The following NEB variants were observed in gnomAD, a reference collection of about 807,000 sequenced individuals.
The protein encoded by NEB is nebulin, also known as nemaline myopathy type 2.
In NEB, 512 loss-of-function variants were observed where a neutral mutation model predicts 952.2. The observed-to-expected ratio is 0.54, with a 90% CI of 0.50 to 0.58. The LOEUF (loss-of-function observed/expected upper bound fraction) is 0.58, where lower values mean the gene tolerates loss of function less well. Among genes scored for constraint, NEB ranks in the 20% least tolerant of loss-of-function variants. NEB has a pLI of 0.00. For synonymous variants in NEB, 2,900 were observed against 3,149.8 expected (o/e 0.92, Z 2.66); for missense variants, 8,428 against 9,231.1 (o/e 0.91, Z 3.56).
chr2:151,555,564 A>G (rs2095598265), intron 124 of NEB, among the ~76,000 whole-genome samples: 1 of 152,224 alleles, frequency 6.6e-6, no homozygotes, highest in South Asian at 2.1e-4. Flanking sequence ...TGGGATAACA[A>G]TTAGTTCTTA....
At chr2:151,681,703 T>C (rs899244336) in intron 29 of NEB, among the ~76,000 whole-genome samples, 1 of 152,162 alleles carries the variant, frequency 6.6e-6, no homozygotes, top group Non-Finnish European at 1.5e-5. Flanking sequence ...CTTGAGGATG[T>C]ACTCACCTGA....
rs1000728160 is a variant in NEB, at chr2:151,557,603, G to A, written c.19315-2559C>T. Among the ~76,000 whole-genome samples the A allele has an allele frequency of 9.2e-5, 14 of 152,252 alleles. No individual in the cohort carries two copies. In the East Asian group the frequency reaches 1.2e-3, roughly 13 times the overall value. On this transcript the variant is annotated intron_variant, in intron 124 of 181. Transcript: ENST00000397345. ...TAGACCAATATCCCTGATGAACATC[G>A]ATGTGAAAATACTCAATAAAATATT...
At chr2:151,518,904 G>C (rs2079988734) in intron 155 of NEB, 61 bp downstream of exon 155, 1 of 1,165,526 alleles carries the variant, frequency 8.6e-7, no homozygotes, top group Non-Finnish European at 1.3e-6. Flanking sequence ...TCTGGGCTCA[G>C]AAAGAATTTA....
Position 151,694,321 on chromosome 2 carries a change from A to G in NEB, c.1896+2T>C. On this transcript the variant is annotated splice_donor_variant, in intron 20 of 181. Coordinates refer to ENST00000397345, the MANE Select transcript of NEB (RefSeq NM_001164508.2). LOFTEE classifies it high-confidence loss of function. ...ATAGGGGTGAATTACAAAGAAACTC[A>G]CATCACTCTGGTTTTTGGCCACCTT... 2 of 1,611,928 alleles carry G rather than the reference A, an allele frequency of 1.2e-6. No homozygotes were observed. The highest frequency in any genetic ancestry group is 8.5e-7 in the Non-Finnish European group (1 of 1,177,988).
rs976896117 is a variant in NEB, at chr2:151,525,085, A to G, written c.22272+78T>C. The G allele has an allele frequency of 5.8e-6, 6 of 1,028,098 alleles. No individual in the cohort carries two copies. In the African/African-American group the frequency reaches 8.0e-5, roughly 14 times the overall value. The allele number at this position is 1,028,098 out of a possible 1,614,324, so 63.7% of individuals were successfully genotyped here. A position where few individuals can be genotyped will look rare whatever the true frequency, so the allele number is the denominator to read the frequency against. On this transcript the variant is annotated intron_variant, in intron 151 of 181. Transcript: ENST00000397345. ...CACAGAGGAATTAGAGTGACCACAC[A>G]CTGGAACAAGAGAATGCACCAATCT...
chr2:151,657,063 A>T (rs748878958), intron 48 of NEB, among the ~76,000 whole-genome samples: 13 of 152,168 alleles, frequency 8.5e-5, no homozygotes, highest in Non-Finnish European at 1.3e-4. Flanking sequence ...TTTCTTCTAC[A>T]GAGGGGAGAT....
Position 151,547,529 on chromosome 2 carries a change from A to G in NEB, c.20267T>C (p.Ile6756Thr), listed in dbSNP as rs991347718. Residue 6756 changes from isoleucine to threonine, a missense_variant, in exon 133 of 182, where the codon ATC (isoleucine) becomes ACC (threonine). Coordinates refer to ENST00000397345, the MANE Select transcript of NEB (RefSeq NM_001164508.2). ...KKTQEAVSEL[I>T]YKSDFFKMQG... ...CATCTTGAAGAAGTCTGATTTGTAG[A>G]TCAACTAAAGAAAAAAAAATACCCC... is the stretch of plus-strand genomic sequence containing the variant. 4.4e-6 allele frequency: 7 copies of G among 1,602,322 alleles called. No individual in the cohort carries two copies. In the African/African-American group the frequency reaches 9.4e-5, roughly 21 times the overall value.
intron 148 of NEB, 84 bp from the exon 149 acceptor site, chr2:151,526,346 G>A: frequency 1.1e-6 from 1 of 932,294 alleles, no homozygotes; most frequent in Non-Finnish European, 1.7e-6. Context: ...CAGTAGAACA[G>A]CAGCGTTGAC....
intron 42 of NEB, 64 bp from the exon 43 acceptor site, chr2:151,664,927 A>T: frequency 8.4e-7 from 1 of 1,191,560 alleles, no homozygotes; most frequent in Non-Finnish European, 1.2e-6. Context: ...TGCTAGCAAG[A>T]GGAAGAGATT....
intron 181 of NEB, 81 bp downstream of exon 181, chr2:151,489,890 G>GT: frequency 9.4e-7 from 1 of 1,067,048 alleles, no homozygotes; most frequent in Non-Finnish European, 1.4e-6. Flanking sequence ...AAAAAAAACC[G>GT]TAATACCTAA....
intron 117 of NEB, 56 bp downstream of exon 117, chr2:151,564,988 T>C: frequency 9.4e-7 from 1 of 1,058,350 alleles, no homozygotes. Context: ...AGAATATGAA[T>C]GCAACAAGAG....
intron 130 of NEB, among the ~76,000 whole-genome samples, chr2:151,549,299 T>C (rs2288202): frequency 0.56 from 84,932 of 151,980 alleles, 24,407 homozygotes; most frequent in Admixed American, 0.68. Flanking sequence ...GTGTGTGAAG[T>C]TGCATTTCCA....
intron 75 of NEB, 62 bp from the exon 76 acceptor site, chr2:151,616,171 T>C (rs2098187278): frequency 2.6e-6 from 3 of 1,165,836 alleles, no homozygotes; most frequent in South Asian, 2.7e-5. Context: ...TGTTCATTAT[T>C]AGTTTTTCTT....
chr2:151,671,460 T>C, intron 37 of NEB: 3 of 458,126 alleles, frequency 6.5e-6, no homozygotes, highest in Non-Finnish European at 7.7e-6. Context: ...TCATGGGTAC[T>C]GCTAAAAAAA....
Position 151,492,227 on chromosome 2 carries a change from T to C in NEB, c.24928A>G (p.Thr8310Ala), listed in dbSNP as rs956185812. The change falls in exon 178 of 182, where the codon ACA (threonine) becomes GCA (alanine). Residue 8310 changes from threonine to alanine, a missense_variant. Physicochemically the swap from Thr to Ala is moderately conservative, Grantham distance 58. Around this residue, in one of 11 missense-constraint regions of NEB, gnomAD observed 3,374 missense variants for 3,651.5 expected, o/e 0.92. Transcript: ENST00000397345. Reference sequence around the variant, plus strand: ...TTTACTCGTTCAGTGATAGGATCTGTCACCACTGGTGTGAAGCAACCCTTG... The same window carrying C: ...TTTACTCGTTCAGTGATAGGATCTGCCACCACTGGTGTGAAGCAACCCTTG... ...KHKGCFTPVV[T>A]DPITERVKKN... 1.9e-6 allele frequency: 3 copies of C among 1,613,980 alleles called. No homozygotes were observed. The highest frequency in any genetic ancestry group is 2.5e-6 in the Non-Finnish European group (3 of 1,179,862).
intron 9 of NEB, among the ~76,000 whole-genome samples, chr2:151,722,470 GA>G (rs35488049): frequency 0.16 from 23,611 of 152,100 alleles, 2,582 homozygotes; most frequent in African/African-American, 0.31. Context: ...AGTATCTTCT[GA>G]TAGCAAGAGC....
chr2:151,497,974 G>A (rs2061439953), intron 170 of NEB: 1 of 1,435,786 alleles, frequency 7.0e-7, no homozygotes, highest in East Asian at 2.5e-5. Context: ...TGAGTACGGT[G>A]CCTCCTAAAC....
chr2:151,673,380 C>T (rs1451635563), intron 36 of NEB, among the ~76,000 whole-genome samples: 4 of 149,108 alleles, frequency 2.7e-5, no homozygotes, highest in African/African-American at 9.9e-5. Context: ...AAGAGTTTAG[C>T]AGGCAAAAGG....
chr2:151,506,826 A>T, intron 163 of NEB, 83 bp downstream of exon 163: 1 of 890,628 alleles, frequency 1.1e-6, no homozygotes, highest in Non-Finnish European at 1.8e-6. Context: ...AATTGTGTGT[A>T]TCAATATAAG....
Sources: allele counts gnomAD v4.1 joint callset (sites outside exome capture counted in the v4.1 genomes callset), GRCh38; gene constraint gnomAD v4.1.1; regional missense constraint gnomAD v4.1.1; transcripts MANE v1.5; gene names NCBI Gene and HGNC (gene_info 2026-07-23, HGNC 2026-07-21).